Variants in FHIT observed in about 807,000 individuals in gnomAD.
FHIT encodes the protein bis(5'-adenosyl)-triphosphatase.
Under a neutral mutation model 17.9 loss-of-function variants are expected in FHIT, and 19 were observed. The observed-to-expected ratio is 1.06, with a 90% CI of 0.74 to 1.56. FHIT has a LOEUF of 1.56. Among genes scored for constraint, FHIT ranks in the 40% most tolerant of loss-of-function variants. The pLI is 0.00. For missense variants in FHIT, 248 were observed against 189.2 expected (o/e 1.31, Z -1.82); for synonymous variants, 81 against 69.7 (o/e 1.16, Z -0.81).
intron 2 of FHIT, among the ~76,000 whole-genome samples, chr3:61,095,265 T>C (rs2035603660): frequency 6.6e-6 from 1 of 152,128 alleles, no homozygotes; most frequent in Non-Finnish European, 1.5e-5. Context: ...GTGAATCTGG[T>C]CACAAAACCT....
chr3:60,944,973 G>A (rs1228820392), intron 3 of FHIT, among the ~76,000 whole-genome samples: 1 of 152,150 alleles, frequency 6.6e-6, no homozygotes, highest in Non-Finnish European at 1.5e-5. Context: ...CAGTGTCACG[G>A]AAGTTATATT....
chr3:61,134,357 A>T (rs1403160397), intron 2 of FHIT, among the ~76,000 whole-genome samples: 4 of 152,126 alleles, frequency 2.6e-5, no homozygotes, highest in Non-Finnish European at 5.9e-5. Context: ...GCAAGAAAAT[A>T]ATTATTCATT....
chr3:59,807,821 G>A (rs907221028), intron 8 of FHIT, among the ~76,000 whole-genome samples: 13 of 152,180 alleles, frequency 8.5e-5, no homozygotes, highest in South Asian at 8.3e-4. Context: ...CATTAACAAC[G>A]TGGGCCGTGG....
chr3:60,614,569 T>C (rs1236329698), intron 4 of FHIT, among the ~76,000 whole-genome samples: 5 of 152,110 alleles, frequency 3.3e-5, no homozygotes, highest in African/African-American at 9.6e-5. Context: ...GATCACGTCA[T>C]TGCACTCCAG....
intron 3 of FHIT, among the ~76,000 whole-genome samples, chr3:60,907,029 A>T (rs1706463531): frequency 6.6e-6 from 1 of 152,190 alleles, no homozygotes. Context: ...ATTAGGCACA[A>T]ATCATCGATG....
chr3:60,020,329 T>C (rs1419047820), intron 5 of FHIT, among the ~76,000 whole-genome samples: 1 of 152,220 alleles, frequency 6.6e-6, no homozygotes. Context: ...AATGTACTGA[T>C]TCAGATGATT....
chr3:60,049,575 C>T (rs377476141), intron 5 of FHIT, among the ~76,000 whole-genome samples: 2 of 151,958 alleles, frequency 1.3e-5, no homozygotes, highest in African/African-American at 2.4e-5. Context: ...GAAAATAGTA[C>T]AAAATAGGAA....
At chr3:60,412,911 G>A (rs1702116463) in intron 5 of FHIT, among the ~76,000 whole-genome samples, 1 of 152,118 alleles carries the variant, frequency 6.6e-6, no homozygotes, top group African/African-American at 2.4e-5. Flanking sequence ...GTTTGCACAT[G>A]CTTTCTCTCA....
chr3:59,773,331 G>A (rs1231910179), intron 8 of FHIT, among the ~76,000 whole-genome samples: 1 of 152,192 alleles, frequency 6.6e-6, no homozygotes, highest in East Asian at 1.9e-4. Context: ...ATGGGCAACT[G>A]TGGGAGTCAC....
chr3:61,032,643 T>C (rs1324833280), intron 3 of FHIT, among the ~76,000 whole-genome samples: 1 of 152,086 alleles, frequency 6.6e-6, no homozygotes, highest in Non-Finnish European at 1.5e-5. Flanking sequence ...ACAATCAGCT[T>C]TGGGGAAAAG....
chr3:59,851,094 C>T (rs1701913987), intron 8 of FHIT, among the ~76,000 whole-genome samples: 1 of 152,152 alleles, frequency 6.6e-6, no homozygotes, highest in Admixed American at 6.5e-5. Flanking sequence ...ATCCAGGACT[C>T]AATGGCTCCT....
intron 4 of FHIT, among the ~76,000 whole-genome samples, chr3:60,558,325 G>C (rs1418449296): frequency 6.6e-6 from 1 of 151,920 alleles, no homozygotes; most frequent in East Asian, 1.9e-4. Flanking sequence ...GCTCAGGCCA[G>C]GGTTTCAAGC....
intron 4 of FHIT, among the ~76,000 whole-genome samples, chr3:60,598,941 A>C (rs2038354879): frequency 6.6e-6 from 1 of 152,178 alleles, no homozygotes; most frequent in Non-Finnish European, 1.5e-5. Flanking sequence ...TCACTGACAG[A>C]TGTGCTGTCT....
At chr3:60,967,112 C>A (rs1449911329) in intron 3 of FHIT, among the ~76,000 whole-genome samples, 1 of 152,072 alleles carries the variant, frequency 6.6e-6, no homozygotes, top group East Asian at 1.9e-4. Context: ...ATTACCATTA[C>A]TCTTAGCTTG....
chr3:61,181,677 C>T (rs891940268), intron 2 of FHIT, among the ~76,000 whole-genome samples: 3 of 152,168 alleles, frequency 2.0e-5, no homozygotes, highest in South Asian at 2.1e-4. Flanking sequence ...TAGTCCAAGT[C>T]GTCTAATGCT....
chr3:60,646,028 T>C (rs367599016), intron 4 of FHIT, among the ~76,000 whole-genome samples: 2 of 152,220 alleles, frequency 1.3e-5, no homozygotes, highest in Admixed American at 1.3e-4. Context: ...GTGACATTCC[T>C]GATAGTGCCC....
chr3:61,167,018 G>C (rs1169456036), intron 2 of FHIT: 1 of 152,076 alleles, frequency 6.6e-6, no homozygotes, highest in Non-Finnish European at 1.5e-5. Context: ...CTCCAGACAG[G>C]GTGGTCCAAG....
intron 5 of FHIT, among the ~76,000 whole-genome samples, chr3:60,276,324 G>C (rs1297795370): frequency 6.6e-6 from 1 of 152,138 alleles, no homozygotes; most frequent in Non-Finnish European, 1.5e-5. Context: ...TTTCCTTCTG[G>C]AGACAGAGGA....
Position 60,611,463 on chromosome 3 carries a change from A to G in FHIT, c.-17-74484T>C, listed in dbSNP as rs1366979970. 5.3e-5 allele frequency among the ~76,000 whole-genome samples: 8 copies of G among 152,328 alleles called. No homozygotes were observed. The East Asian group carries it at 1.5e-3, about 29-fold the overall frequency. On this transcript the variant is annotated intron_variant, in intron 4 of 9. Coordinates refer to ENST00000492590, the MANE Select transcript of FHIT (RefSeq NM_002012.4). ...ATCACCAAGGTCTGATTTTTCACTC[A>G]TGCAAAAATTCAAAAAACTGAAACC...
Sources: allele counts gnomAD v4.1 joint callset (sites outside exome capture counted in the v4.1 genomes callset), GRCh38; gene constraint gnomAD v4.1.1; transcripts MANE v1.5; gene names NCBI Gene and HGNC (gene_info 2026-07-23, HGNC 2026-07-21).